Variants in ANK2 observed in about 807,000 individuals in gnomAD.
ANK2 encodes the protein ankyrin 2.
A neutral mutation model predicts 360.5 loss-of-function variants in ANK2; 83 were observed. The ratio of observed to expected loss-of-function variants is 0.23; its 90% confidence interval spans 0.19 to 0.28. ANK2 has a LOEUF of 0.28. Ranked by LOEUF, ANK2 falls within the 10% of genes least tolerant of loss-of-function variation. ANK2 has a pLI of 1.00. For missense variants in ANK2, 4,201 were observed against 4,795.7 expected, an observed-to-expected ratio of 0.88 and a Z score of 3.66; for synonymous variants, 1,740 against 1,759.5, an observed-to-expected ratio of 0.99 and a Z score of 0.28.
the ANK2 span, among the ~76,000 whole-genome samples, chr4:112,723,259 T>C: frequency 2.6e-5 from 4 of 152,326 alleles, no homozygotes; most frequent in African/African-American, 9.6e-5. Context: ...TTTCAAGTTC[T>C]TTTCCTTGAA....
Position 113,318,614 on chromosome 4 carries a change from A to G in ANK2, c.2894A>G (p.His965Arg). ...GTGGCTCTTTCTTCTAGTCCTATTC[A>G]TTCAGGGTGAGTAAATCAATATTAT... The part of the protein sequence containing the change: ...DNVALSSSPI[H>R]SGFLVSFMVD... Residue 965 changes from histidine (H) to arginine (R), a missense_variant, in exon 26 of 46, where the codon CAT becomes CGT. Transcript: ENST00000357077. The G allele has an allele frequency of 6.2e-7, 1 of 1,608,456 alleles. No individual in the cohort carries two copies. The highest frequency in any genetic ancestry group is 1.1e-5 in the South Asian group (1 of 90,510).
At chr4:113,068,701 G>A (rs2076471333) in intron 1 of ANK2, among the ~76,000 whole-genome samples, 1 of 152,120 alleles carries the variant, frequency 6.6e-6, no homozygotes, top group African/African-American at 2.4e-5. Context: ...ATAATAAACT[G>A]CCACTTTAGG....
chr4:113,102,509 A>G (rs953121973), intron 1 of ANK2, among the ~76,000 whole-genome samples: 2 of 152,132 alleles, frequency 1.3e-5, no homozygotes, highest in African/African-American at 4.8e-5. Context: ...TGTATAGGCT[A>G]AGAAGAGAGG....
chr4:112,762,635 G>A, the ANK2 span, among the ~76,000 whole-genome samples: 1 of 152,274 alleles, frequency 6.6e-6, no homozygotes, highest in South Asian at 2.1e-4. Flanking sequence ...TCAGCTTCCA[G>A]AATAGCTGGG....
At chr4:112,896,224 A>G (rs1168562818) in intron 1 of ANK2, among the ~76,000 whole-genome samples, 3 of 152,234 alleles carry the variant, frequency 2.0e-5, no homozygotes, top group Non-Finnish European at 4.4e-5. Flanking sequence ...TTTTCCAGCC[A>G]TAGGAGGAAG....
intron 4 of ANK2, among the ~76,000 whole-genome samples, chr4:113,231,274 G>A (rs189159431): frequency 1.8e-4 from 27 of 151,890 alleles, no homozygotes; most frequent in Middle Eastern, 3.4e-3. Flanking sequence ...GGCTGGTCTC[G>A]AACTCCTGAC....
chr4:113,049,074 G>A (rs1160879438), upstream of ANK2, among the ~76,000 whole-genome samples: 1 of 152,104 alleles, frequency 6.6e-6, no homozygotes, highest in Admixed American at 6.6e-5. Context: ...GGAAAGAGAA[G>A]GCACAGGAGA....
chr4:112,900,517 C>T (rs889448453), intron 1 of ANK2, among the ~76,000 whole-genome samples: 5 of 152,114 alleles, frequency 3.3e-5, no homozygotes, highest in East Asian at 1.9e-4. Flanking sequence ...TTGATAGACA[C>T]GGGGGACTTC....
At chr4:113,033,963 C>G (rs1336933185) in intron 2 of ANK2, 1 of 152,046 alleles carries the variant, frequency 6.6e-6, no homozygotes, top group Non-Finnish European at 1.5e-5. Context: ...GGTCTCCAGA[C>G]CCAGTGGGTA....
chr4:113,230,260 G>C (rs1372416907), intron 4 of ANK2, among the ~76,000 whole-genome samples: 3 of 151,898 alleles, frequency 2.0e-5, no homozygotes, highest in Non-Finnish European at 4.4e-5. Flanking sequence ...CACTCTACTT[G>C]GTCTACTTGT....
At chr4:113,376,289 A>T (rs1160194270) in intron 45 of ANK2, among the ~76,000 whole-genome samples, 1 of 152,230 alleles carries the variant, frequency 6.6e-6, no homozygotes, top group Admixed American at 6.5e-5. Flanking sequence ...CCTGCACAGC[A>T]TGTTACTGTG....
At chr4:112,855,935 G>A (rs1182219571) in intron 1 of ANK2, among the ~76,000 whole-genome samples, 1 of 152,118 alleles carries the variant, frequency 6.6e-6, no homozygotes, top group Non-Finnish European at 1.5e-5. Flanking sequence ...TTCCATTTCT[G>A]GGACTTAATT....
chr4:113,258,435 A>C, intron 13 of ANK2, 24 bp downstream of exon 13: 1 of 1,592,664 alleles, frequency 6.3e-7, no homozygotes. Context: ...GGGTCAGAAT[A>C]ACCCCAGGGA....
chr4:113,050,792 A>G (rs2066626692), intron 1 of ANK2, among the ~76,000 whole-genome samples: 1 of 152,246 alleles, frequency 6.6e-6, no homozygotes, highest in Non-Finnish European at 1.5e-5. Context: ...AATAATAAGC[A>G]TGAACAAATG....
intron 1 of ANK2, among the ~76,000 whole-genome samples, chr4:113,172,313 G>C (rs2098000872): frequency 6.6e-6 from 1 of 152,180 alleles, no homozygotes; most frequent in African/African-American, 2.4e-5. Context: ...AATAAACCTA[G>C]AGCTCACAGG....
At chr4:113,132,656 A>T (rs978487022) in intron 1 of ANK2, among the ~76,000 whole-genome samples, 11 of 152,228 alleles carry the variant, frequency 7.2e-5, no homozygotes, top group South Asian at 2.1e-4. Context: ...GGGTGAAGAG[A>T]ACTGATCTAG....
intron 1 of ANK2, among the ~76,000 whole-genome samples, chr4:113,125,275 A>G (rs1208488613): frequency 6.6e-6 from 1 of 152,186 alleles, no homozygotes; most frequent in Non-Finnish European, 1.5e-5. Context: ...TCATAAATAA[A>G]TAATGTTAAC....
At chr4:112,886,195 A>G (rs2150548639) in intron 1 of ANK2, among the ~76,000 whole-genome samples, 1 of 152,294 alleles carries the variant, frequency 6.6e-6, no homozygotes, top group East Asian at 1.9e-4. Context: ...CCTAGGAGAA[A>G]TTGCCAGCAG....
At chr4:112,721,644 G>A in the ANK2 span, among the ~76,000 whole-genome samples, 1 of 151,920 alleles carries the variant, frequency 6.6e-6, no homozygotes, top group South Asian at 2.1e-4. Context: ...TTGGAGTGTG[G>A]GAGAAGCAGA....
Sources: allele counts gnomAD v4.1 joint callset (sites outside exome capture counted in the v4.1 genomes callset), GRCh38; gene constraint gnomAD v4.1.1; transcripts MANE v1.5; gene names NCBI Gene and HGNC (gene_info 2026-07-23, HGNC 2026-07-21).